The following AKR1C8 variants were observed in gnomAD, a reference collection of about 807,000 sequenced individuals.
AKR1C8 encodes aldo-keto reductase family 1 member C-like protein 1.
chr10:5,184,500 C>T, the AKR1C8 span, among the ~76,000 whole-genome samples: 2 of 152,142 alleles, frequency 1.3e-5, no homozygotes, highest in African/African-American at 4.8e-5. Flanking sequence ...CCCCAATAAC[C>T]TCACAGCAAA....
the AKR1C8 span, among the ~76,000 whole-genome samples, chr10:5,165,582 T>C: frequency 1.3e-5 from 2 of 152,146 alleles, no homozygotes; most frequent in East Asian, 3.9e-4. Flanking sequence ...CTCAGTGATG[T>C]CCCCATCAGC....
the AKR1C8 span, among the ~76,000 whole-genome samples, chr10:5,150,261 T>A: frequency 1.3e-5 from 2 of 152,130 alleles, no homozygotes; most frequent in African/African-American, 4.8e-5. Flanking sequence ...TGATTATAAG[T>A]TGCTTTTTGA....
the AKR1C8 span, among the ~76,000 whole-genome samples, chr10:5,138,032 G>T: frequency 8.3e-3 from 1,257 of 151,678 alleles, 18 homozygotes; most frequent in African/African-American, 0.028. Context: ...AGATCATAAG[G>T]CAAAGGGCAA....
chr10:5,138,542 T>C, the AKR1C8 span, among the ~76,000 whole-genome samples: 4 of 152,160 alleles, frequency 2.6e-5, no homozygotes, highest in South Asian at 2.1e-4. Context: ...AATCAATGTG[T>C]ACACTTAACA....
At chr10:5,134,984 C>T in the AKR1C8 span, among the ~76,000 whole-genome samples, 58 of 152,316 alleles carry the variant, frequency 3.8e-4, no homozygotes, top group Admixed American at 3.8e-3. Flanking sequence ...CAAAGATTGA[C>T]TACCTTTTCT....
chr10:5,132,612 T>G, the AKR1C8 span: 1 of 1,579,538 alleles, frequency 6.3e-7, no homozygotes. Flanking sequence ...CTTTGAAGTG[T>G]AGAATATGTC....
At chr10:5,153,631 A>C in the AKR1C8 span, among the ~76,000 whole-genome samples, 2 of 152,130 alleles carry the variant, frequency 1.3e-5, no homozygotes, top group Non-Finnish European at 2.9e-5. Flanking sequence ...GGGGGAGCAG[A>C]CGCGTCTTCA....
At chr10:5,123,055 G>A in the AKR1C8 span, among the ~76,000 whole-genome samples, 2 of 152,148 alleles carry the variant, frequency 1.3e-5, no homozygotes, top group Non-Finnish European at 2.9e-5. Flanking sequence ...ACTTAATGTT[G>A]AAACCCAAAT....
At chr10:5,162,445 G>A in the AKR1C8 span, among the ~76,000 whole-genome samples, 10 of 152,262 alleles carry the variant, frequency 6.6e-5, no homozygotes, top group Admixed American at 4.6e-4. Flanking sequence ...TTCCATCTAG[G>A]ACAATTTTAG....
chr10:5,128,723 T>C, the AKR1C8 span, among the ~76,000 whole-genome samples: 1 of 151,858 alleles, frequency 6.6e-6, no homozygotes. Flanking sequence ...AAAGAATCAA[T>C]CCAGCAAGAA....
At chr10:5,158,753 A>G in the AKR1C8 span, 1 of 468,898 alleles carries the variant, frequency 2.1e-6, no homozygotes, top group African/African-American at 2.0e-5. Context: ...ATATGAGCCA[A>G]TAACCACATG....
the AKR1C8 span, among the ~76,000 whole-genome samples, chr10:5,119,250 T>C: frequency 6.6e-6 from 1 of 152,202 alleles, no homozygotes; most frequent in African/African-American, 2.4e-5. Flanking sequence ...ACTAACACCA[T>C]GCCAGAACAT....
chr10:5,155,613 T>G, the AKR1C8 span: 1 of 395,172 alleles, frequency 2.5e-6, no homozygotes, highest in South Asian at 2.0e-5. Flanking sequence ...GGAAGATGTG[T>G]TCCCCATTTC....
the AKR1C8 span, among the ~76,000 whole-genome samples, chr10:5,160,435 T>C: frequency 6.6e-6 from 1 of 152,136 alleles, no homozygotes; most frequent in African/African-American, 2.4e-5. Context: ...AGGTTCACTG[T>C]CCTGCACCTT....
chr10:5,140,360 C>T, the AKR1C8 span, among the ~76,000 whole-genome samples: 1 of 152,038 alleles, frequency 6.6e-6, no homozygotes, highest in African/African-American at 2.4e-5. Context: ...ATGTTTACTG[C>T]AGCACTATTC....
the AKR1C8 span, among the ~76,000 whole-genome samples, chr10:5,160,610 C>A: frequency 6.6e-6 from 1 of 152,082 alleles, no homozygotes; most frequent in Non-Finnish European, 1.5e-5. Context: ...CTACTTAGAA[C>A]CTTAGAAGTT....
the AKR1C8 span, among the ~76,000 whole-genome samples, chr10:5,174,556 C>T: frequency 2.0e-5 from 3 of 151,850 alleles, no homozygotes; most frequent in African/African-American, 7.3e-5. Flanking sequence ...TTAATAAGAC[C>T]TGAGGACATA....
At chr10:5,146,392 G>C in the AKR1C8 span, among the ~76,000 whole-genome samples, 5 of 152,006 alleles carry the variant, frequency 3.3e-5, no homozygotes, top group African/African-American at 4.8e-5. Flanking sequence ...ATGTTGCTTG[G>C]TTGTAACTAA....
chr10:5,167,875 A>T, the AKR1C8 span, among the ~76,000 whole-genome samples: 1 of 152,134 alleles, frequency 6.6e-6, no homozygotes, highest in Non-Finnish European at 1.5e-5. Flanking sequence ...TTTCAGTTAC[A>T]TTTATGTGTG....
Sources: allele counts gnomAD v4.1 joint callset (sites outside exome capture counted in the v4.1 genomes callset), GRCh38; gene constraint gnomAD v4.1.1; transcripts MANE v1.5; gene names NCBI Gene and HGNC (gene_info 2026-07-23, HGNC 2026-07-21).